The following ELFN1 variants were observed in gnomAD, a reference collection of about 807,000 sequenced individuals.
ELFN1 encodes the protein extracellular leucine rich repeat and fibronectin type III domain containing 1.
In ELFN1, 6 loss-of-function variants were observed where a neutral mutation model predicts 7.6. The ratio of observed to expected loss-of-function variants is 0.79; its 90% CI spans 0.43 to 1.56. ELFN1 has a LOEUF of 1.56. Ranked by LOEUF, ELFN1 falls within the 40% of genes most tolerant of loss-of-function variation. The probability of loss-of-function intolerance (pLI) is 0.01; values close to 1 mark genes in which losing one functional copy is unlikely to be tolerated. For missense variants in ELFN1, 1,169 were observed against 1,232.2 expected (o/e 0.95, Z 0.77); for synonymous variants, 657 against 588.1 (o/e 1.12, Z -1.70).
intron 1 of ELFN1, among the ~76,000 whole-genome samples, chr7:1,671,158 G>T (rs1357310096): frequency 7.1e-6 from 1 of 140,224 alleles, no homozygotes; most frequent in Non-Finnish European, 1.5e-5. Context: ...ACTGCCTGCC[G>T]TACCGCACAC....
intron 1 of ELFN1, among the ~76,000 whole-genome samples, chr7:1,685,602 T>C (rs931739111): frequency 6.6e-6 from 1 of 152,096 alleles, no homozygotes; most frequent in Non-Finnish European, 1.5e-5. Flanking sequence ...TAATGAATTT[T>C]TCATTTCCGC....
chr7:1,702,699 A>G (rs1422195737), intron 2 of ELFN1, among the ~76,000 whole-genome samples: 2 of 151,362 alleles, frequency 1.3e-5, no homozygotes, highest in East Asian at 3.8e-4. Context: ...CTAATATTTT[A>G]TTAATTTTGG....
intron 2 of ELFN1, among the ~76,000 whole-genome samples, chr7:1,706,191 G>T (rs190916578): frequency 6.6e-6 from 1 of 152,308 alleles, no homozygotes; most frequent in African/African-American, 2.4e-5. Flanking sequence ...TTGAGAGGCC[G>T]AGGTGGGTGG....
At chr7:1,675,234 G>C (rs1778846484) in intron 1 of ELFN1, among the ~76,000 whole-genome samples, 1 of 152,208 alleles carries the variant, frequency 6.6e-6, no homozygotes, top group Admixed American at 6.5e-5. Context: ...CACTCCAGTG[G>C]TAACTTCTGT....
intron 1 of ELFN1, among the ~76,000 whole-genome samples, chr7:1,674,397 A>G (rs1778827214): frequency 6.6e-6 from 1 of 152,132 alleles, no homozygotes; most frequent in African/African-American, 2.4e-5. Context: ...CCTTCTGCCC[A>G]GCAGTTAGTT....
chr7:1,698,299 G>A (rs140805782), intron 2 of ELFN1, among the ~76,000 whole-genome samples: 162 of 152,254 alleles, frequency 1.1e-3, no homozygotes, highest in African/African-American at 3.9e-3. Context: ...TAATGCCTTC[G>A]GAATATTCCT....
intron 1 of ELFN1, among the ~76,000 whole-genome samples, chr7:1,676,181 G>A (rs975607423): frequency 4.6e-5 from 7 of 152,204 alleles, no homozygotes; most frequent in African/African-American, 1.7e-4. Flanking sequence ...AGGGCACCCT[G>A]GAGAGGAACC....
At chr7:1,666,287 G>A (rs1473502574), upstream of ELFN1, among the ~76,000 whole-genome samples, 2 of 152,088 alleles carry the variant, frequency 1.3e-5, no homozygotes, top group East Asian at 2.0e-4. This position sits in a 1 kb window ranked among gnomAD's most constrained non-coding sequence, Gnocchi z 7.9. Flanking sequence ...TGCTCTCTGG[G>A]GGGGGCGGCG....
chr7:1,703,625 G>T (rs775372317), intron 2 of ELFN1, among the ~76,000 whole-genome samples: 1 of 152,178 alleles, frequency 6.6e-6, no homozygotes, highest in Non-Finnish European at 1.5e-5. Flanking sequence ...GCACTTCCAA[G>T]TCTCTGGGCT....
intron 3 of ELFN1, among the ~76,000 whole-genome samples, chr7:1,732,157 C>T (rs996844909): frequency 3.3e-5 from 5 of 152,076 alleles, no homozygotes; most frequent in Admixed American, 1.3e-4. Context: ...CAGGCAGCCC[C>T]GGTTACAGAG....
rs1044787380 is a variant in ELFN1, at chr7:1,670,503, A to C, written c.-549+149A>C. On this transcript the variant is annotated intron_variant, in intron 1 of 3. Coordinates refer to ENST00000424383, the MANE Select transcript of ELFN1 (RefSeq NM_001128636.4). The surrounding 1 kb of genome is among the most constrained non-coding windows in gnomAD (Gnocchi z 6.4). ...CGCCCCCAGCCCCTGCTGCGCCCCC[A>C]GGCCTGGCGCGCGATCCGAGCGCAG... 1.3e-5 allele frequency among the ~76,000 whole-genome samples: 2 copies of C among 151,130 alleles called. No individual in the cohort carries two copies. The highest frequency in any genetic ancestry group is 4.9e-5 in the African/African-American group (2 of 41,168).
intron 1 of ELFN1, among the ~76,000 whole-genome samples, chr7:1,675,736 G>A (rs1157947046): frequency 2.0e-5 from 3 of 152,202 alleles, no homozygotes; most frequent in East Asian, 1.9e-4. Context: ...GTGAGGCGTC[G>A]CTGGCCCGGA....
intron 2 of ELFN1, among the ~76,000 whole-genome samples, chr7:1,701,834 C>T (rs970940442): frequency 6.6e-6 from 1 of 152,138 alleles, no homozygotes; most frequent in Non-Finnish European, 1.5e-5. Flanking sequence ...ATTATATATA[C>T]ATATTTTATC....
intron 3 of ELFN1, among the ~76,000 whole-genome samples, chr7:1,710,601 G>A (rs1779628584): frequency 6.6e-6 from 1 of 152,228 alleles, no homozygotes; most frequent in Non-Finnish European, 1.5e-5. Flanking sequence ...TGTTACAGGT[G>A]GGGAAACTGA....
At chr7:1,671,505 A>C (rs1406078396) in intron 1 of ELFN1, among the ~76,000 whole-genome samples, 1 of 152,224 alleles carries the variant, frequency 6.6e-6, no homozygotes, top group African/African-American at 2.4e-5. Flanking sequence ...GCCTGGGGAC[A>C]GAAGCTGTGG....
At chr7:1,687,066 T>A (rs1779073802) in intron 1 of ELFN1, among the ~76,000 whole-genome samples, 1 of 151,956 alleles carries the variant, frequency 6.6e-6, no homozygotes, top group Admixed American at 6.6e-5. Context: ...AGCTGCTAGT[T>A]TTTATGATTT....
intron 2 of ELFN1, among the ~76,000 whole-genome samples, chr7:1,697,840 A>G (rs1448777716): frequency 6.6e-6 from 1 of 152,172 alleles, no homozygotes; most frequent in African/African-American, 2.4e-5. Flanking sequence ...GCTGGAGTGC[A>G]GTGGTGCAAT....
At chr7:1,727,663 C>G (rs903690364) in intron 3 of ELFN1, among the ~76,000 whole-genome samples, 26 of 152,128 alleles carry the variant, frequency 1.7e-4, no homozygotes, top group Admixed American at 6.5e-5. Flanking sequence ...GGGTGGCATG[C>G]AATGGTGTGA....
intron 1 of ELFN1, among the ~76,000 whole-genome samples, chr7:1,680,104 C>T (rs1432816079): frequency 6.6e-6 from 1 of 152,230 alleles, no homozygotes; most frequent in East Asian, 1.9e-4. Flanking sequence ...AGTGGACATT[C>T]TCCGATGCTG....
Sources: gnomAD v4.1 joint callset for allele counts (sites outside exome capture counted in the v4.1 genomes callset) on GRCh38, gnomAD v4.1.1 for gene constraint, Gnocchi (gnomAD v3.1) non-coding constraint, MANE v1.5 for transcripts, NCBI Gene and HGNC (gene_info 2026-07-23, HGNC 2026-07-21) for gene names.